The following PKIB variants were observed in gnomAD, a reference collection of about 807,000 sequenced individuals.
PKIB encodes cAMP-dependent protein kinase inhibitor beta, also known as PKI-beta.
In PKIB, 2 loss-of-function variants were observed where a neutral mutation model predicts 4.5. That is an observed-to-expected ratio of 0.44 (90% CI 0.18 to 1.39). The LOEUF (loss-of-function observed/expected upper bound fraction) is 1.39. Among genes scored for constraint, PKIB ranks in the 40% most tolerant of loss-of-function variants. The probability of loss-of-function intolerance (pLI) is 0.27; values close to 1 mark genes in which losing one functional copy is unlikely to be tolerated. For missense variants in PKIB, 94 were observed against 92.6 expected (o/e 1.02, Z -0.06); for synonymous variants, 38 against 36.0 (o/e 1.06, Z -0.20).
chr6:122,558,829 G>C (rs577812726), intron 2 of PKIB, among the ~76,000 whole-genome samples: 1 of 152,176 alleles, frequency 6.6e-6, no homozygotes, highest in Non-Finnish European at 1.5e-5. Context: ...GGTGATTTGT[G>C]AGATTTTGGT....
At chr6:122,630,244 A>G (rs144682462) in intron 1 of PKIB, among the ~76,000 whole-genome samples, 1 of 152,310 alleles carries the variant, frequency 6.6e-6, no homozygotes, top group African/African-American at 2.4e-5. Context: ...TCATAGTAGC[A>G]TTATTTATAA....
At chr6:122,504,011 A>T (rs1464713201) in intron 2 of PKIB, among the ~76,000 whole-genome samples, 1 of 152,226 alleles carries the variant, frequency 6.6e-6, no homozygotes, top group Non-Finnish European at 1.5e-5. Flanking sequence ...TCTAGGGATT[A>T]AAAACAGATA....
At chr6:122,638,978 C>G (rs1195348100) in intron 2 of PKIB, among the ~76,000 whole-genome samples, 1 of 152,090 alleles carries the variant, frequency 6.6e-6, no homozygotes, top group Non-Finnish European at 1.5e-5. Flanking sequence ...TTTATTTGTT[C>G]ATAAATCTAC....
At chr6:122,548,850 A>T (rs1239801228) in intron 2 of PKIB, among the ~76,000 whole-genome samples, 1 of 152,230 alleles carries the variant, frequency 6.6e-6, no homozygotes, top group East Asian at 1.9e-4. Context: ...AAAGAAAAAG[A>T]AGAAATACTT....
intron 3 of PKIB, among the ~76,000 whole-genome samples, chr6:122,703,931 T>TAG (rs1778939707): frequency 8.0e-6 from 1 of 124,554 alleles, no homozygotes; most frequent in African/African-American, 3.0e-5. Flanking sequence ...TGTATATATA[T>TAG]ATATATATAT....
chr6:122,629,852 A>G (rs887587684), intron 1 of PKIB, among the ~76,000 whole-genome samples: 1 of 152,210 alleles, frequency 6.6e-6, no homozygotes, highest in Non-Finnish European at 1.5e-5. Flanking sequence ...GTCTAAGAAA[A>G]TGTCACAGTA....
intron 3 of PKIB, among the ~76,000 whole-genome samples, chr6:122,703,989 A>G (rs992035964): frequency 6.7e-6 from 1 of 149,210 alleles, no homozygotes; most frequent in Non-Finnish European, 1.5e-5. Context: ...GGTTCATGCA[A>G]TTATGAAGGC....
intron 2 of PKIB, among the ~76,000 whole-genome samples, chr6:122,498,924 A>G (rs796381392): frequency 6.6e-6 from 1 of 152,226 alleles, no homozygotes; most frequent in Admixed American, 6.5e-5. Context: ...CTCAGAGACT[A>G]TTATAAACAC....
intron 3 of PKIB, among the ~76,000 whole-genome samples, chr6:122,675,576 A>T (rs1251313644): frequency 2.0e-5 from 3 of 152,124 alleles, no homozygotes; most frequent in African/African-American, 7.2e-5. Context: ...ACTTTTGGTG[A>T]ATTTTTTTTA....
At chr6:122,716,862 T>C (rs528386930) in intron 3 of PKIB, among the ~76,000 whole-genome samples, 12 of 152,240 alleles carry the variant, frequency 7.9e-5, no homozygotes, top group African/African-American at 2.6e-4. Flanking sequence ...CAGGCATATA[T>C]TTTCTCTCCC....
rs1485299018 is a variant in PKIB at position 122,690,934 on chromosome 6, T to TATATA, written c.-9+15790_-9+15791insATATA. Among the ~76,000 whole-genome samples the TATATA allele has an allele frequency of 7.0e-4, 84 of 119,578 alleles. 1 individual carries two copies. The highest frequency in any genetic ancestry group is 2.1e-3 in the African/African-American group (67 of 31,600). The allele number at this position is 119,578 out of a possible 152,430, so 78.4% of individuals were successfully genotyped here. A position where few individuals can be genotyped will look rare whatever the true frequency, so the allele number is the denominator to read the frequency against. On this transcript the variant is annotated intron_variant, in intron 3 of 4. Coordinates refer to ENST00000368452, the MANE Select transcript of PKIB (RefSeq NM_181795.3). ...TTGAAGGATATATATATATATATAT[T>TATATA]TTTTTTTTTTTTTGCCAAATATACT...
At chr6:122,485,127 T>C (rs1383146815) in intron 2 of PKIB, among the ~76,000 whole-genome samples, 1 of 152,208 alleles carries the variant, frequency 6.6e-6, no homozygotes, top group Non-Finnish European at 1.5e-5. Context: ...TTCTGGGGGC[T>C]GCCTGATTTG....
intron 1 of PKIB, among the ~76,000 whole-genome samples, chr6:122,475,010 T>G (rs1479045899): frequency 6.6e-6 from 1 of 152,178 alleles, no homozygotes; most frequent in African/African-American, 2.4e-5. Flanking sequence ...GATTTGTCAG[T>G]TATCAGTCAT....
intron 1 of PKIB, among the ~76,000 whole-genome samples, chr6:122,629,055 C>A (rs1024159017): frequency 2.0e-5 from 3 of 152,150 alleles, no homozygotes; most frequent in Admixed American, 1.3e-4. Context: ...AGTTGAGGGC[C>A]ATCAACCACC....
chr6:122,473,659 G>C (rs1165550343), intron 1 of PKIB, among the ~76,000 whole-genome samples: 1 of 152,106 alleles, frequency 6.6e-6, no homozygotes, highest in Non-Finnish European at 1.5e-5. Context: ...TGCCAACTAT[G>C]AAAGAAAATT....
intron 2 of PKIB, among the ~76,000 whole-genome samples, chr6:122,566,505 T>A: frequency 6.6e-6 from 1 of 152,262 alleles, no homozygotes; most frequent in Middle Eastern, 3.4e-3. Context: ...TACTAATGCT[T>A]ATGTTCCTTT....
intron 3 of PKIB, among the ~76,000 whole-genome samples, chr6:122,712,664 G>A (rs918313788): frequency 6.6e-6 from 1 of 152,034 alleles, no homozygotes; most frequent in Non-Finnish European, 1.5e-5. Context: ...ATACCTCCAG[G>A]GAACTAATTT....
At chr6:122,567,539 T>A (rs377697629) in intron 2 of PKIB, among the ~76,000 whole-genome samples, 1 of 152,192 alleles carries the variant, frequency 6.6e-6, no homozygotes, top group African/African-American at 2.4e-5. Flanking sequence ...GCATTAGTTA[T>A]CTTCACTCAA....
rs142495920 is a variant in PKIB at position 122,542,713 on chromosome 6, G to A, written c.-247-43208G>A. On this transcript the variant is annotated intron_variant, in intron 2 of 6. Coordinates refer to the PKIB transcript ENST00000392491. Reference sequence around the variant, plus strand: ...TGCCTTTTCTCAGATCTCCAGCTACGTGCTTGGAGAACCACTACTCTCTTC... The same window carrying A: ...TGCCTTTTCTCAGATCTCCAGCTACATGCTTGGAGAACCACTACTCTCTTC... Among the ~76,000 whole-genome samples the A allele has an allele frequency of 8.4e-4, 128 of 152,194 alleles. 1 individual carries two copies. The East Asian group carries it at 9.1e-3, about 11-fold the overall frequency.
Sources: allele counts gnomAD v4.1 joint callset (sites outside exome capture counted in the v4.1 genomes callset), GRCh38; gene constraint gnomAD v4.1.1; transcripts MANE v1.5; gene names NCBI Gene and HGNC (gene_info 2026-07-23, HGNC 2026-07-21).